ETFA: variants seen among roughly 807,000 people sequenced by gnomAD.
The protein encoded by ETFA is electron transfer flavoprotein subunit alpha, mitochondrial.
Under a neutral mutation model 46.2 loss-of-function variants are expected in ETFA, and 22 were observed. That is an observed-to-expected ratio of 0.48 (90% CI 0.34 to 0.68). The LOEUF (loss-of-function observed/expected upper bound fraction) is 0.68. Among genes scored for constraint, ETFA ranks in the 30% least tolerant of loss-of-function variants. The pLI, the probability that ETFA is intolerant of heterozygous loss-of-function variation, is 0.01. For synonymous variants in ETFA, 131 were observed against 139.9 expected, an observed-to-expected ratio of 0.94 and a Z score of 0.45; for missense variants, 345 against 401.1, an observed-to-expected ratio of 0.86 and a Z score of 1.19.
intron 1 of ETFA, among the ~76,000 whole-genome samples, chr15:76,302,078 T>C (rs1292390312): frequency 1.3e-5 from 2 of 152,200 alleles, no homozygotes; most frequent in Non-Finnish European, 2.9e-5. Context: ...TCTCATTCAT[T>C]GCTGGTAAAA....
intron 9 of ETFA, among the ~76,000 whole-genome samples, chr15:76,257,896 T>C (rs1283945683): frequency 6.6e-6 from 1 of 151,252 alleles, no homozygotes; most frequent in African/African-American, 2.4e-5. Flanking sequence ...GAAATCATCA[T>C]TCTCAGTAAA....
At chr15:76,294,083 C>T (rs1248923804) in intron 2 of ETFA, among the ~76,000 whole-genome samples, 2 of 152,208 alleles carry the variant, frequency 1.3e-5, no homozygotes, top group Admixed American at 6.5e-5. Flanking sequence ...TAAACGATCT[C>T]TTCATACAGG....
At chr15:76,273,298 G>C (rs778619601) in intron 9 of ETFA, among the ~76,000 whole-genome samples, 15 of 152,178 alleles carry the variant, frequency 9.9e-5, no homozygotes, top group Non-Finnish European at 2.2e-4. Context: ...GGCTCACGCT[G>C]TAATTCCAGC....
chr15:76,295,585 T>C lies in ETFA; in HGVS notation c.186+6A>G, dbSNP rs905483370. ...TTTGCTATGGCTGACCTTAAAAATT[T>C]CTCACCTTGTCACATTTGGTTCCAG... On this transcript the variant is annotated splice_donor_region_variant and intron_variant, in intron 2 of 11. Transcript: ENST00000557943. 3.7e-6 allele frequency: 6 copies of C among 1,612,624 alleles called. No individual in the cohort carries two copies. In the Admixed American group the frequency reaches 5.0e-5, roughly 13 times the overall value.
intron 9 of ETFA, among the ~76,000 whole-genome samples, chr15:76,265,904 T>C (rs1567208967): frequency 2.0e-5 from 3 of 152,164 alleles, no homozygotes; most frequent in African/African-American, 4.8e-5. Flanking sequence ...GCAGTGGCCA[T>C]TGTTGAGCCT....
intron 1 of ETFA, among the ~76,000 whole-genome samples, chr15:76,304,815 C>T (rs368204917): frequency 4.6e-5 from 7 of 152,164 alleles, no homozygotes; most frequent in East Asian, 3.9e-4. Context: ...GAGGCCGAGG[C>T]GGGCAGATCA....
intron 7 of ETFA, 85 bp from the exon 8 acceptor site, chr15:76,283,910 A>G (rs1596217717): frequency 1.1e-6 from 1 of 919,022 alleles, no homozygotes; most frequent in Non-Finnish European, 1.8e-6. Context: ...ACTGGAGTAA[A>G]TTTTCATATT....
At chr15:76,259,377 A>G in intron 9 of ETFA, 2 of 1,533,614 alleles carry the variant, frequency 1.3e-6, no homozygotes, top group Non-Finnish European at 1.8e-6. Flanking sequence ...GAGATCATAC[A>G]AAAGGTCGTC....
intron 8 of ETFA, among the ~76,000 whole-genome samples, chr15:76,283,123 C>T (rs973911427): frequency 1.3e-5 from 2 of 151,512 alleles, no homozygotes; most frequent in Non-Finnish European, 2.9e-5. Context: ...TTAAGACCAC[C>T]AAAAAAAAGA....
intron 9 of ETFA, chr15:76,260,460 T>C (rs77185921): frequency 0.22 from 336,329 of 1,557,980 alleles, 869 homozygotes; most frequent in Non-Finnish European, 0.24. Context: ...CTGGCCTGCA[T>C]GGTCATGAGA....
rs541543854 is a variant in ETFA, at chr15:76,286,986, T to C, written c.452-505A>G. On this transcript the variant is annotated intron_variant, in intron 5 of 11. Coordinates refer to ENST00000557943, the MANE Select transcript of ETFA (RefSeq NM_000126.4). ...ATCACATTAACAGTAACCTAAACCA[T>C]GACAAAATATTTTCCCTCAAACATT... is the stretch of plus-strand genomic sequence containing the variant. 2.6e-5 allele frequency among the ~76,000 whole-genome samples: 4 copies of C among 152,302 alleles called. No individual in the cohort carries two copies. In the South Asian group the frequency reaches 8.3e-4, roughly 32 times the overall value.
In ETFA at chr15:76,310,489, C is replaced by G. The variant is rs192680717; in HGVS notation, c.39+861G>C. ...ATGTAAACTAGGAAAACTACACAAT[C>G]CACAATATAAATTATTGTTACTTGA... On this transcript the variant is annotated intron_variant, in intron 1 of 11. Transcript: ENST00000557943. 3.3e-5 allele frequency among the ~76,000 whole-genome samples: 5 copies of G among 152,058 alleles called. No individual in the cohort carries two copies. The East Asian group carries it at 9.7e-4, about 29-fold the overall frequency.
intron 4 of ETFA, among the ~76,000 whole-genome samples, chr15:76,291,293 A>T (rs533932872): frequency 1.3e-5 from 2 of 152,148 alleles, no homozygotes; most frequent in East Asian, 3.9e-4. Context: ...ACATACAAAA[A>T]TTAGCCAGGT....
At chr15:76,271,030 C>T (rs913703540) in intron 9 of ETFA, among the ~76,000 whole-genome samples, 2 of 151,810 alleles carry the variant, frequency 1.3e-5, no homozygotes, top group African/African-American at 2.4e-5. Context: ...ATTAGTTGGG[C>T]GGGTTGGTGC....
chr15:76,220,635 C>T (rs117827176), intron 11 of ETFA, among the ~76,000 whole-genome samples: 2,967 of 152,126 alleles, frequency 0.02, 38 homozygotes, highest in Non-Finnish European at 0.031. Context: ...AACTCAAGAA[C>T]AAAAAGATAA....
At chr15:76,259,144 TC>T in intron 9 of ETFA, 23 of 1,499,836 alleles carry the variant, frequency 1.5e-5, no homozygotes, top group Non-Finnish European at 1.8e-5. Flanking sequence ...CCACCCACTG[TC>T]CCCATGCCAC....
At chr15:76,289,902 C>T (rs959241756) in intron 4 of ETFA, among the ~76,000 whole-genome samples, 1 of 152,180 alleles carries the variant, frequency 6.6e-6, no homozygotes, top group African/African-American at 2.4e-5. Flanking sequence ...TAGCTAATGA[C>T]AAACACCCTT....
At chr15:76,262,079 T>C (rs1039079944) in intron 9 of ETFA, among the ~76,000 whole-genome samples, 6 of 152,132 alleles carry the variant, frequency 3.9e-5, no homozygotes, top group African/African-American at 7.2e-5. Context: ...ATAAAAATTT[T>C]AAAAACAACT....
At chr15:76,256,781 G>A (rs1451651671) in intron 9 of ETFA, among the ~76,000 whole-genome samples, 1 of 152,188 alleles carries the variant, frequency 6.6e-6, no homozygotes, top group African/African-American at 2.4e-5. Context: ...TCACCTCAGT[G>A]ATGTCATAGA....
Sources: allele counts gnomAD v4.1 joint callset (sites outside exome capture counted in the v4.1 genomes callset), GRCh38; gene constraint gnomAD v4.1.1; transcripts MANE v1.5; gene names NCBI Gene and HGNC (gene_info 2026-07-23, HGNC 2026-07-21).